The following PPP2R5A variants were observed in gnomAD, a reference collection of about 807,000 sequenced individuals.
PPP2R5A encodes serine/threonine-protein phosphatase 2A 56 kDa regulatory subunit alpha isoform.
Under a neutral mutation model 64.2 loss-of-function variants are expected in PPP2R5A, and 25 were observed. The ratio of observed to expected loss-of-function variants is 0.39; its 90% confidence interval spans 0.28 to 0.54. PPP2R5A has a LOEUF of 0.54. Ranked by LOEUF, PPP2R5A falls within the 20% of genes least tolerant of loss-of-function variation. The probability of loss-of-function intolerance (pLI) is 0.67; values close to 1 mark genes in which losing one functional copy is unlikely to be tolerated. For synonymous variants in PPP2R5A, 198 were observed against 201.2 expected (o/e 0.98, Z 0.13); for missense variants, 425 against 576.3 (o/e 0.74, Z 2.69).
intron 1 of PPP2R5A, among the ~76,000 whole-genome samples, chr1:212,322,628 G>A (rs1380858277): frequency 2.6e-5 from 4 of 152,040 alleles, no homozygotes; most frequent in Admixed American, 1.3e-4. Context: ...TCATTTAACC[G>A]TTTACAGTAT....
chr1:212,347,415 G>C lies in PPP2R5A; in HGVS notation c.764+9G>C. ...CTTGAAATATTAGGAAGGTAGGTCA[G>C]GTTTTTTTGTTCTTTTTAAGAATTA... On this transcript the variant is annotated intron_variant, in intron 6 of 12. Transcript: ENST00000261461. The C allele has an allele frequency of 6.3e-7, 1 of 1,578,556 alleles. No individual in the cohort carries two copies. The highest frequency in any genetic ancestry group is 8.7e-7 in the Non-Finnish European group (1 of 1,151,976).
chr1:212,326,256 T>A (rs1659406028), intron 1 of PPP2R5A, among the ~76,000 whole-genome samples: 2 of 151,672 alleles, frequency 1.3e-5, no homozygotes, highest in African/African-American at 4.8e-5. Flanking sequence ...TTTTTTTTTT[T>A]AAGGATACAT....
rs1193969423 is a variant in PPP2R5A at position 212,329,146 on chromosome 1, A to G, written c.193A>G (p.Asn65Asp). ...PLPQLKDATSNEQQELFCQKL... is the reference protein window; with the variant it reads ...PLPQLKDATSDEQQELFCQKL... ...ATTTTTATTTATAGATGCCACTTCA[A>G]ATGAACAACAAGAGCTTTTCTGTCA... The change falls in exon 2 of 13, where the codon AAT becomes GAT. Residue 65 changes from asparagine (N) to aspartate (D), a missense_variant. Asn to Asp is a conservative substitution (Grantham distance 23). This residue lies in a region of PPP2R5A where 104 missense variants were observed against 95.7 expected (regional missense o/e 1.09). Transcript: ENST00000261461. 1.3e-6 allele frequency: 2 copies of G among 1,507,212 alleles called. No homozygotes were observed. The highest frequency in any genetic ancestry group is 1.8e-6 in the Non-Finnish European group (2 of 1,126,358). 93.4% of individuals were successfully genotyped at this position (1,507,212 alleles called of 1,614,324 possible).
At chr1:212,356,105 G>A (rs1479874135) in intron 8 of PPP2R5A, among the ~76,000 whole-genome samples, 1 of 151,986 alleles carries the variant, frequency 6.6e-6, no homozygotes, top group African/African-American at 2.4e-5. Context: ...TTGTTTCATT[G>A]TATTCTGGTT....
At chr1:212,304,474 GGGA>G (rs1180932355) in intron 1 of PPP2R5A, among the ~76,000 whole-genome samples, 2 of 151,918 alleles carry the variant, frequency 1.3e-5, no homozygotes, top group Admixed American at 1.3e-4. Context: ...GCTTGAACCT[GGGA>G]GGAGGAGGTT....
chr1:212,293,054 A>G (rs959759023), intron 1 of PPP2R5A, among the ~76,000 whole-genome samples: 2 of 152,236 alleles, frequency 1.3e-5, no homozygotes, highest in Non-Finnish European at 2.9e-5. Context: ...TCAGGATGCT[A>G]AAAGCCTAAA....
chr1:212,322,114 T>C (rs1571592485), intron 1 of PPP2R5A, among the ~76,000 whole-genome samples: 1 of 149,894 alleles, frequency 6.7e-6, no homozygotes, highest in Non-Finnish European at 1.5e-5. Flanking sequence ...GGCAGGGAGG[T>C]TGCAGTGAGC....
At chr1:212,291,096 G>A (rs1658594410) in intron 1 of PPP2R5A, among the ~76,000 whole-genome samples, 1 of 152,028 alleles carries the variant, frequency 6.6e-6, no homozygotes, top group Non-Finnish European at 1.5e-5. Flanking sequence ...TACTTGGAGA[G>A]GTCATTTATT....
chr1:212,314,368 G>T (rs1441881743), intron 1 of PPP2R5A, among the ~76,000 whole-genome samples: 1 of 152,014 alleles, frequency 6.6e-6, no homozygotes, highest in Non-Finnish European at 1.5e-5. Flanking sequence ...AATTGAGAAA[G>T]GTAGTTTTTT....
At chr1:212,291,760 A>G (rs150937473) in intron 1 of PPP2R5A, among the ~76,000 whole-genome samples, 192 of 152,340 alleles carry the variant, frequency 1.3e-3, no homozygotes, top group African/African-American at 4.2e-3. Context: ...GAGTTTAGGT[A>G]TGATGGGATG....
chr1:212,329,993 G>T (rs1315870767), intron 2 of PPP2R5A, among the ~76,000 whole-genome samples: 1 of 152,144 alleles, frequency 6.6e-6, no homozygotes, highest in Non-Finnish European at 1.5e-5. Flanking sequence ...AAAGACTAGG[G>T]ATCTCCACAT....
chr1:212,361,546 C>T lies in PPP2R5A; in HGVS notation c.*776C>T, dbSNP rs1660083594. 1 of 152,696 alleles carries T rather than the reference C, an allele frequency of 6.5e-6. No homozygotes were observed. The highest frequency in any genetic ancestry group is 1.5e-5 in the Non-Finnish European group (1 of 68,068). 9.5% of individuals were successfully genotyped at this position (152,696 alleles called of 1,614,324 possible). ...GCAGGGCCTTTCCAGTCCTCACAACCTGTCCTTCACCTAGTCCCTCCTGAC... is the reference window on the plus strand; with the variant it reads ...GCAGGGCCTTTCCAGTCCTCACAACTTGTCCTTCACCTAGTCCCTCCTGAC... On this transcript the variant is annotated 3_prime_UTR_variant, in exon 13 of 13. Coordinates refer to ENST00000261461, the MANE Select transcript of PPP2R5A (RefSeq NM_006243.4).
chr1:212,342,328 G>C (rs370623113), intron 4 of PPP2R5A, 48 bp downstream of exon 4: 1 of 1,580,346 alleles, frequency 6.3e-7, no homozygotes, highest in Non-Finnish European at 8.6e-7. Context: ...TCTTAGCAAT[G>C]ATTTATTAAC....
chr1:212,354,067 C>A (rs1278132403), intron 8 of PPP2R5A, among the ~76,000 whole-genome samples: 4 of 152,060 alleles, frequency 2.6e-5, no homozygotes, highest in Non-Finnish European at 5.9e-5. Flanking sequence ...GCCTGTAGTC[C>A]CAGCTACTCA....
chr1:212,348,373 CT>C lies in PPP2R5A; in HGVS notation c.765-9del. 2.1e-5 allele frequency: 33 copies of C among 1,538,760 alleles called. No individual in the cohort carries two copies. The highest frequency in any genetic ancestry group is 2.1e-5 in the Non-Finnish European group (23 of 1,113,714). ...AGTAACTACTTAACCCTTCCCCTGC[CT>C]TTTTTTCCCTCCAGTATTATCAATG... On this transcript the variant is annotated splice_polypyrimidine_tract_variant and intron_variant, in intron 6 of 12. Coordinates refer to ENST00000261461, the MANE Select transcript of PPP2R5A (RefSeq NM_006243.4).
chr1:212,352,406 A>G (rs1659902281), intron 8 of PPP2R5A, among the ~76,000 whole-genome samples: 1 of 151,088 alleles, frequency 6.6e-6, no homozygotes, highest in South Asian at 2.1e-4. Context: ...AAATTTGTGT[A>G]TGATGAGGGT....
intron 3 of PPP2R5A, among the ~76,000 whole-genome samples, chr1:212,340,537 GTA>G (rs1309934666): frequency 6.6e-6 from 1 of 152,082 alleles, no homozygotes; most frequent in African/African-American, 2.4e-5. Flanking sequence ...GATCAGTTTT[GTA>G]TATCTTTTTG....
At chr1:212,310,497 A>C (rs1391584669) in intron 1 of PPP2R5A, among the ~76,000 whole-genome samples, 1 of 152,112 alleles carries the variant, frequency 6.6e-6, no homozygotes, top group Non-Finnish European at 1.5e-5. Flanking sequence ...TTTATGGCCT[A>C]CTTCTCCCCC....
At chr1:212,352,537 C>T (rs1659905906) in intron 8 of PPP2R5A, among the ~76,000 whole-genome samples, 1 of 151,864 alleles carries the variant, frequency 6.6e-6, no homozygotes, top group East Asian at 1.9e-4. Context: ...GCAGCCCTGA[C>T]CTCCCAGGCT....
Sources: gnomAD v4.1 joint callset for allele counts (sites outside exome capture counted in the v4.1 genomes callset) on GRCh38, gnomAD v4.1.1 for gene constraint, gnomAD v4.1.1 regional missense constraint, MANE v1.5 for transcripts, NCBI Gene and HGNC (gene_info 2026-07-23, HGNC 2026-07-21) for gene names.